The following FLNC variants were observed in gnomAD, a reference collection of about 807,000 sequenced individuals.
The protein encoded by FLNC is filamin-C.
FLNC carries 91 observed loss-of-function variants against 254.3 expected under a neutral mutation model. That is an observed-to-expected ratio of 0.36 (90% CI 0.30 to 0.43). FLNC has a LOEUF of 0.43. Among genes scored for constraint, FLNC ranks in the 20% least tolerant of loss-of-function variants. The probability of loss-of-function intolerance (pLI) is 1.00; values close to 1 mark genes in which losing one functional copy is unlikely to be tolerated. For missense variants in FLNC, 2,853 were observed against 3,802.6 expected (o/e 0.75, Z 6.57); for synonymous variants, 1,430 against 1,577.2 (o/e 0.91, Z 2.21).
At position 128,850,438 on chromosome 7, in the gene FLNC, T is replaced by A. The variant is rs1035403005; in HGVS notation, c.5353T>A (p.Phe1785Ile). The A allele has an allele frequency of 2.5e-6, 4 of 1,613,922 alleles. No individual in the cohort carries two copies. The highest frequency in any genetic ancestry group is 3.4e-6 in the Non-Finnish European group (4 of 1,180,020). Residue 1785 changes from phenylalanine to isoleucine, a missense_variant, in exon 32 of 48, where the codon TTC (phenylalanine) becomes ATC (isoleucine). Physicochemically the swap from Phe to Ile is conservative, Grantham distance 21. Around this residue, in one of 10 missense-constraint regions of FLNC, gnomAD observed 258 missense variants for 312.3 expected, o/e 0.83. Coordinates refer to ENST00000325888, the MANE Select transcript of FLNC (RefSeq NM_001458.5). ...GCCAATGGAGTCCATGCTGAGGCCC[T>A]TCAACCTGGTCATCCCCTTCGCGGT... is the stretch of plus-strand genomic sequence containing the variant. Reference protein sequence around the residue: ...VEPMESMLRPFNLVIPFAVQK... With the variant: ...VEPMESMLRPINLVIPFAVQK...
Position 128,858,627 on chromosome 7 carries a change from A to T in FLNC, c.*104A>T. 1 of 887,032 alleles carries T rather than the reference A, an allele frequency of 1.1e-6. No individual in the cohort carries two copies. Among genetic ancestry groups the T allele is most frequent in the Non-Finnish European group, 1.8e-6 (1 of 548,528 alleles). The allele number at this position is 887,032 out of a possible 1,614,324, so 54.9% of individuals were successfully genotyped here. ...TGTGCCACACCCAGACACGCACAGA[A>T]TCAGACACTACAAACACCTGCCTTG... On this transcript the variant is annotated 3_prime_UTR_variant, in exon 48 of 48. Coordinates refer to ENST00000325888, the MANE Select transcript of FLNC (RefSeq NM_001458.5). The surrounding 1 kb of genome is among the most constrained non-coding windows in gnomAD (Gnocchi z 6.7).
Position 128,849,398 on chromosome 7 carries a change from C to A in FLNC, c.5019C>A (p.Ala1673=). ...ETVITVDAKA[A]GEGKVTCTVS... is the part of the protein sequence containing the mutation. ...TGATCACGGTGGATGCCAAGGCAGC[C>A]GGTGAGGGGAAGGTGACATGCACGG... The change falls in exon 30 of 48, where the codon GCC becomes GCA. Residue 1673 remains alanine (A), a synonymous_variant. Coordinates refer to ENST00000325888, the MANE Select transcript of FLNC (RefSeq NM_001458.5). The A allele has an allele frequency of 1.2e-6, 2 of 1,614,140 alleles. No individual in the cohort carries two copies. Among genetic ancestry groups the A allele is most frequent in the East Asian group, 2.2e-5 (1 of 44,874 alleles).
In FLNC at chr7:128,835,291, C is replaced by T. The variant is rs774045582; in HGVS notation, c.353-35C>T. On this transcript the variant is annotated intron_variant, in intron 1 of 47. Transcript: ENST00000325888. This position sits in a 1 kb window ranked among gnomAD's most constrained non-coding sequence, Gnocchi z 5.3. ...TGCTCTGGGGCAGTGGAGGGTGGGG[C>T]GCCCCTGAGCCCGTCTGTGCCCTCC... is the stretch of plus-strand genomic sequence containing the variant. 18 of 1,611,148 alleles carry T rather than the reference C, an allele frequency of 1.1e-5. No homozygotes were observed. Among genetic ancestry groups the T allele is most frequent in the Admixed American group, 1.7e-5 (1 of 60,004 alleles).
intron 39 of FLNC, 44 bp from the exon 40 acceptor site, chr7:128,853,930 A>T: frequency 6.2e-7 from 1 of 1,612,960 alleles, no homozygotes; most frequent in Admixed American, 1.7e-5. Context: ...CTGCTTCCTC[A>T]CCCCTCGCTT....
rs1238948054 is a variant in FLNC, at chr7:128,842,652, C to T, written c.2343C>T (p.Ala781=). The change falls in exon 15 of 48, where the codon GCC becomes GCT. Residue 781 remains alanine, a synonymous_variant. Transcript: ENST00000325888. This position sits in a 1 kb window ranked among gnomAD's most constrained non-coding sequence, Gnocchi z 5.4. ...GAGTGGAGAAGACAGGCCTCAAGGC[C>T]AATGAGCCCACCTACTTCACGGTGG... The part of the protein sequence containing the change: ...GPGVEKTGLK[A]NEPTYFTVDC... 7 of 1,537,272 alleles carry T rather than the reference C, an allele frequency of 4.6e-6. No homozygotes were observed. The highest frequency in any genetic ancestry group is 5.3e-6 in the Non-Finnish European group (6 of 1,139,152).
chr7:128,851,424 C>T, intron 34 of FLNC, 31 bp from the exon 35 acceptor site: 2 of 1,613,926 alleles, frequency 1.2e-6, no homozygotes, highest in Non-Finnish European at 1.7e-6. Context: ...GAGGGCAGGA[C>T]CTCTGATCTT....
In FLNC at chr7:128,853,039, C is replaced by T. The variant is rs745328476; in HGVS notation, c.6208+8C>T. 8 of 1,612,374 alleles carry T rather than the reference C, an allele frequency of 5.0e-6. No homozygotes were observed. The highest frequency in any genetic ancestry group is 3.3e-5 in the Admixed American group (2 of 60,002). Reference sequence around the variant, plus strand: ...TGGACACTCGCAATGCAGGTACCTCCTGCCCCAGAGAGCCCCCATTCCAGC... The same window carrying T: ...TGGACACTCGCAATGCAGGTACCTCTTGCCCCAGAGAGCCCCCATTCCAGC... On this transcript the variant is annotated splice_region_variant and intron_variant, in intron 37 of 47. Coordinates refer to ENST00000325888, the MANE Select transcript of FLNC (RefSeq NM_001458.5).
Position 128,850,893 on chromosome 7 carries a change from A to G in FLNC, c.5489A>G (p.Glu1830Gly). 6.2e-7 allele frequency: 1 copy of G among 1,613,328 alleles called. No individual in the cohort carries two copies. Among genetic ancestry groups the G allele is most frequent in the Non-Finnish European group, 8.5e-7 (1 of 1,179,928 alleles). ...GTITVRYAPTEKGLHQMGIKY... is the reference protein window; with the variant it reads ...GTITVRYAPTGKGLHQMGIKY... ...ATCACGGTGAGGTATGCACCCACTG[A>G]GAAAGGCCTGCACCAGATGGGGATC... The change falls in exon 33 of 48, where the codon GAG (glutamate) becomes GGG (glycine). Residue 1830 changes from glutamate (E) to glycine (G), a missense_variant. Glu to Gly is a moderately conservative substitution (Grantham distance 98, BLOSUM62 -2). Around this residue, in one of 10 missense-constraint regions of FLNC, gnomAD observed 258 missense variants for 312.3 expected, o/e 0.83. Transcript: ENST00000325888.
In FLNC at chr7:128,843,583, C is replaced by T. The variant is rs750718546; in HGVS notation, c.2811+6C>T. On this transcript the variant is annotated splice_donor_region_variant and intron_variant, in intron 18 of 47. Transcript: ENST00000325888. ...AGTACACCGCTGTCCAGCAGGTGCGCTCTGCCCCTCCCATGCTACCGCCCG... is the reference window on the plus strand; with the variant it reads ...AGTACACCGCTGTCCAGCAGGTGCGTTCTGCCCCTCCCATGCTACCGCCCG... The T allele has an allele frequency of 3.7e-5, 60 of 1,613,536 alleles. No individual in the cohort carries two copies. Among genetic ancestry groups the T allele is most frequent in the Non-Finnish European group, 3.6e-5 (43 of 1,179,966 alleles).
chr7:128,832,891 T>G (rs1320615997), intron 1 of FLNC, among the ~76,000 whole-genome samples: 2 of 152,206 alleles, frequency 1.3e-5, no homozygotes, highest in Non-Finnish European at 2.9e-5. Context: ...AGGGGCATCC[T>G]GCTTCTGCTA....
Position 128,841,410 on chromosome 7 carries a change from G to T in FLNC, c.2008-44G>T, listed in dbSNP as rs745380735. ...ACCTGCCCCGGGGGTGGGGCAAGCT[G>T]GTTCTCCTCCCCTCCCCAACTCAGC... On this transcript the variant is annotated intron_variant, in intron 12 of 47. Transcript: ENST00000325888. This position sits in a 1 kb window ranked among gnomAD's most constrained non-coding sequence, Gnocchi z 4.3. The T allele has an allele frequency of 1.2e-6, 2 of 1,612,716 alleles. No homozygotes were observed. The highest frequency in any genetic ancestry group is 1.1e-5 in the South Asian group (1 of 91,054).
At position 128,846,337 on chromosome 7, in the gene FLNC, C is replaced by G. The variant is rs1808566334; in HGVS notation, c.4001C>G (p.Ala1334Gly). 1 of 1,613,710 alleles carries G rather than the reference C, an allele frequency of 6.2e-7. No individual in the cohort carries two copies. The part of the protein sequence containing the change: ...HLVEVLYDEV[A>G]VPKSPFRVGV... ...GTGGAGGTCCTGTATGATGAGGTCG[C>G]TGTGCCCAAGAGCCCCTTCCGAGTG... The change falls in exon 23 of 48, where the codon GCT becomes GGT. Residue 1334 changes from alanine (A) to glycine (G), a missense_variant. By Grantham distance (60) the Ala-to-Gly change is moderately conservative. This residue lies in a region of FLNC where 1,573 missense variants were observed against 1,883.5 expected (regional missense o/e 0.84). Transcript: ENST00000325888.
rs369916201 is a variant in FLNC at position 128,842,601 on chromosome 7, C to G, written c.2292C>G (p.Pro764=). The G allele has an allele frequency of 6.5e-7, 1 of 1,549,600 alleles. No homozygotes were observed. Among genetic ancestry groups the G allele is most frequent in the East Asian group, 2.4e-5 (1 of 40,928 alleles). The change falls in exon 15 of 48, where the codon CCC becomes CCG. Residue 764 remains proline, a synonymous_variant. Transcript: ENST00000325888. This position sits in a 1 kb window ranked among gnomAD's most constrained non-coding sequence, Gnocchi z 5.4. Reference sequence around the variant, plus strand: ...TGAACGTGGGCGAGGGCAGCCACCCCGAGCGGGTAAAGGTGTACGGCCCCG... The same window carrying G: ...TGAACGTGGGCGAGGGCAGCCACCCGGAGCGGGTAAAGGTGTACGGCCCCG... ...FRVNVGEGSH[P]ERVKVYGPGV...
rs1194784157 is a variant in FLNC, at chr7:128,856,868, G to C, written c.7508G>C (p.Gly2503Ala). The change falls in exon 45 of 48, where the codon GGG (glycine) becomes GCG (alanine). Residue 2503 changes from glycine to alanine, a missense_variant. This residue lies in a region of FLNC where 197 missense variants were observed against 351.5 expected (regional missense o/e 0.56). Transcript: ENST00000325888. This position sits in a 1 kb window ranked among gnomAD's most constrained non-coding sequence, Gnocchi z 5.9. ...KIRVGEQSQA[G>A]DPGLVSAYGP... ...CGCGTTGGGGAGCAGAGCCAGGCTGGGGACCCAGGCTTGGTGTCAGCCTAC... is the reference window on the plus strand; with the variant it reads ...CGCGTTGGGGAGCAGAGCCAGGCTGCGGACCCAGGCTTGGTGTCAGCCTAC... The C allele has an allele frequency of 6.2e-7, 1 of 1,614,104 alleles. No homozygotes were observed. The highest frequency in any genetic ancestry group is 8.5e-7 in the Non-Finnish European group (1 of 1,180,048).
chr7:128,854,171 C>T lies in FLNC; in HGVS notation c.6682C>T (p.Arg2228Trp), dbSNP rs1196014760. ...FPAVFGDFLG[R>W]ERLGSFGSIT... ...TGCTGTGTTTGGGGACTTCCTGGGC[C>T]GGGAGCGCCTGGGATCCTTCGGCAG... Residue 2228 changes from arginine (R) to tryptophan (W), a missense_variant, in exon 40 of 48, where the codon CGG becomes TGG. Around this residue, in one of 10 missense-constraint regions of FLNC, gnomAD observed 551 missense variants for 835.0 expected, o/e 0.66. Coordinates refer to ENST00000325888, the MANE Select transcript of FLNC (RefSeq NM_001458.5). 5.0e-6 allele frequency: 8 copies of T among 1,610,062 alleles called. No individual in the cohort carries two copies. The highest frequency in any genetic ancestry group is 6.8e-6 in the Non-Finnish European group (8 of 1,178,400).
rs1335267053 is a variant in FLNC at position 128,837,246 on chromosome 7, G to C, written c.688G>C (p.Gly230Arg). 6.3e-7 allele frequency: 1 copy of C among 1,579,266 alleles called. No individual in the cohort carries two copies. Among genetic ancestry groups the C allele is most frequent in the African/African-American group, 1.3e-5 (1 of 74,256 alleles). The change falls in exon 3 of 48, where the codon GGG becomes CGG. Residue 230 changes from glycine to arginine, a missense_variant. By Grantham distance (125) the Gly-to-Arg change is moderately radical. Coordinates refer to ENST00000325888, the MANE Select transcript of FLNC (RefSeq NM_001458.5). ...EAMQQADDWL[G>R]VPQVIAPEEI... ...CATGCAGCAGGCCGACGACTGGCTT[G>C]GGGTGCCCCAGGTACATGCGCAGAT...
rs571365290 is a variant in FLNC at position 128,851,713 on chromosome 7, G to A, written c.5842+85G>A. ...TCATGTGCAAGCCCAGCCCGTTCAA[G>A]TCACTCGTGACATTAGGGCAGAGGC... On this transcript the variant is annotated intron_variant, in intron 35 of 47. Coordinates refer to ENST00000325888, the MANE Select transcript of FLNC (RefSeq NM_001458.5). 4.9e-6 allele frequency: 7 copies of A among 1,440,872 alleles called. No individual in the cohort carries two copies. In the Admixed American group the frequency reaches 1.2e-4, roughly 25 times the overall value. The allele number at this position is 1,440,872 out of a possible 1,614,324, so 89.3% of individuals were successfully genotyped here. A position where few individuals can be genotyped will look rare whatever the true frequency, so the allele number is the denominator to read the frequency against.
Position 128,845,068 on chromosome 7 carries a change from G to A in FLNC, c.3603G>A (p.Glu1201=), listed in dbSNP as rs755671727. The change falls in exon 21 of 48, where the codon GAG becomes GAA. Residue 1201 remains glutamate, a synonymous_variant. Coordinates refer to ENST00000325888, the MANE Select transcript of FLNC (RefSeq NM_001458.5). The part of the protein sequence containing the change: ...EILSDAGVKA[E]VLIHNNADGT... ...TGTCGGATGCCGGGGTCAAGGCCGAGGTGCTGATCCACAACAACGCGGATG... is the reference window on the plus strand; with the variant it reads ...TGTCGGATGCCGGGGTCAAGGCCGAAGTGCTGATCCACAACAACGCGGATG... The A allele has an allele frequency of 3.1e-6, 5 of 1,613,920 alleles. No individual in the cohort carries two copies. In the South Asian group the frequency reaches 5.5e-5, roughly 18 times the overall value.
Position 128,831,018 on chromosome 7 carries a change from C to A in FLNC, c.352+29C>A, listed in dbSNP as rs747279585. 1.9e-6 allele frequency: 3 copies of A among 1,596,024 alleles called. No individual in the cohort carries two copies. In the South Asian group the frequency reaches 3.3e-5, roughly 18 times the overall value. On this transcript the variant is annotated intron_variant, in intron 1 of 47. Coordinates refer to ENST00000325888, the MANE Select transcript of FLNC (RefSeq NM_001458.5). Reference sequence around the variant, plus strand: ...AGTGCCGGGGGCGAGGGCACGGGCGCTGCGGGGATAGGGTCGTCCCATGGG... The same window carrying A: ...AGTGCCGGGGGCGAGGGCACGGGCGATGCGGGGATAGGGTCGTCCCATGGG...
Sources: gnomAD v4.1 joint callset for allele counts (sites outside exome capture counted in the v4.1 genomes callset) on GRCh38, gnomAD v4.1.1 for gene constraint, gnomAD v4.1.1 regional missense constraint, Gnocchi (gnomAD v3.1) non-coding constraint, MANE v1.5 for transcripts, NCBI Gene and HGNC (gene_info 2026-07-23, HGNC 2026-07-21) for gene names.